The following PPP3CA variants were observed in gnomAD, a reference collection of about 807,000 sequenced individuals.
PPP3CA encodes the protein protein phosphatase 3 catalytic subunit alpha.
Under a neutral mutation model 66.5 loss-of-function variants are expected in PPP3CA, and 14 were observed. The ratio of observed to expected loss-of-function variants is 0.21; its 90% CI spans 0.14 to 0.33. PPP3CA has a LOEUF of 0.33. Among genes scored for constraint, PPP3CA ranks in the 10% least tolerant of loss-of-function variants. The probability of loss-of-function intolerance (pLI) is 1.00; values close to 1 mark genes in which losing one functional copy is unlikely to be tolerated. For missense variants in PPP3CA, 317 were observed against 639.5 expected (o/e 0.50, Z 5.44); for synonymous variants, 232 against 226.2 (o/e 1.03, Z -0.23).
chr4:101,317,705 T>G (rs538260474), intron 1 of PPP3CA, among the ~76,000 whole-genome samples: 1 of 152,242 alleles, frequency 6.6e-6, no homozygotes, highest in Non-Finnish European at 1.5e-5. Flanking sequence ...ACTGGACTTT[T>G]GTGGACTTGG....
chr4:101,229,886 G>GA (rs1725904827), intron 1 of PPP3CA, among the ~76,000 whole-genome samples: 1 of 151,198 alleles, frequency 6.6e-6, no homozygotes, highest in Non-Finnish European at 1.5e-5. Flanking sequence ...AGATAGTAAC[G>GA]AAAAAAATTG....
chr4:101,276,753 C>A (rs73835910), intron 1 of PPP3CA, among the ~76,000 whole-genome samples: 4,041 of 152,150 alleles, frequency 0.027, 184 homozygotes, highest in African/African-American at 0.091. Flanking sequence ...GAAAAAAAAA[C>A]TGAATGGTAA....
chr4:101,302,980 AGTTTT>A (rs1388917711), intron 1 of PPP3CA, among the ~76,000 whole-genome samples: 1 of 152,242 alleles, frequency 6.6e-6, no homozygotes, highest in Non-Finnish European at 1.5e-5. Context: ...CATTAAATTT[AGTTTT>A]GAGTATCATT....
chr4:101,151,344 G>A (rs949637170), intron 2 of PPP3CA, among the ~76,000 whole-genome samples: 6 of 151,884 alleles, frequency 4.0e-5, no homozygotes, highest in African/African-American at 1.2e-4. Context: ...GGTGGATCAC[G>A]AGGTCAGGAG....
At chr4:101,071,121 T>G (rs915635798) in intron 8 of PPP3CA, among the ~76,000 whole-genome samples, 2 of 152,196 alleles carry the variant, frequency 1.3e-5, no homozygotes, top group Non-Finnish European at 2.9e-5. Flanking sequence ...CACCTTGCTC[T>G]CATTCAGTGC....
chr4:101,124,795 GAAAGAGA>G (rs1295160594), intron 2 of PPP3CA, among the ~76,000 whole-genome samples: 10 of 113,532 alleles, frequency 8.8e-5, no homozygotes, highest in African/African-American at 4.4e-4. Flanking sequence ...AAGAAAGAAA[GAAAGAGA>G]AAACTGTATT....
intron 1 of PPP3CA, among the ~76,000 whole-genome samples, chr4:101,251,486 T>A (rs1018981932): frequency 6.6e-6 from 1 of 152,008 alleles, no homozygotes; most frequent in African/African-American, 2.4e-5. Context: ...AAAAATTAAG[T>A]TGGATCCAAC....
intron 2 of PPP3CA, among the ~76,000 whole-genome samples, chr4:101,128,787 A>G (rs900077360): frequency 6.6e-6 from 1 of 152,116 alleles, no homozygotes; most frequent in Non-Finnish European, 1.5e-5. Flanking sequence ...CTACACCACA[A>G]GGGCCCTGGG....
chr4:101,117,625 G>A (rs1472387134), intron 2 of PPP3CA, among the ~76,000 whole-genome samples: 1 of 151,546 alleles, frequency 6.6e-6, no homozygotes, highest in African/African-American at 2.4e-5. Context: ...ATAAATTATA[G>A]TCACGGTTGT....
chr4:101,193,368 T>C (rs148836073), intron 2 of PPP3CA, among the ~76,000 whole-genome samples: 1 of 152,060 alleles, frequency 6.6e-6, no homozygotes, highest in Non-Finnish European at 1.5e-5. Flanking sequence ...GGGAAAAAAA[T>C]GTCAAAGAGG....
chr4:101,346,634 A>T, intron 1 of PPP3CA, 105 bp downstream of exon 1: 2 of 981,566 alleles, frequency 2.0e-6, no homozygotes, highest in Non-Finnish European at 3.1e-6. Context: ...TGGAGCGGAC[A>T]GAGGAGAACC....
intron 1 of PPP3CA, among the ~76,000 whole-genome samples, chr4:101,203,209 T>C (rs1345933739): frequency 6.6e-6 from 1 of 152,204 alleles, no homozygotes; most frequent in East Asian, 1.9e-4. Context: ...AAATGAATTA[T>C]TCCTCAGCCG....
rs577078822 is a variant in PPP3CA at position 101,030,439 on chromosome 4, C to A, written c.1340-1244G>T. ...TTTAGACAAATTGAAGGGCATCAGG[C>A]AATACATTTTGGAGTCGTATCAATG... is the stretch of plus-strand genomic sequence containing the variant. On this transcript the variant is annotated intron_variant, in intron 12 of 13. Coordinates refer to ENST00000394854, the MANE Select transcript of PPP3CA (RefSeq NM_000944.5). Among the ~76,000 whole-genome samples the A allele has an allele frequency of 2.0e-5, 3 of 152,150 alleles. No homozygotes were observed. In the East Asian group the frequency reaches 5.8e-4, roughly 29 times the overall value.
chr4:101,069,602 A>G (rs1424447786), intron 8 of PPP3CA, among the ~76,000 whole-genome samples: 7 of 152,152 alleles, frequency 4.6e-5, no homozygotes, highest in Non-Finnish European at 7.4e-5. Context: ...ATGTGTGTGT[A>G]CTGTTGAGCA....
chr4:101,282,227 C>T (rs1343428427), intron 1 of PPP3CA, among the ~76,000 whole-genome samples: 1 of 152,186 alleles, frequency 6.6e-6, no homozygotes, highest in Non-Finnish European at 1.5e-5. Context: ...TTGATAACCA[C>T]TTCACACCTA....
At chr4:101,046,509 T>C (rs1727772630) in intron 10 of PPP3CA, among the ~76,000 whole-genome samples, 1 of 151,964 alleles carries the variant, frequency 6.6e-6, no homozygotes, top group African/African-American at 2.4e-5. Context: ...GAAATATATA[T>C]AAAAAGTATA....
At chr4:101,198,792 C>T (rs537531131) in intron 1 of PPP3CA, among the ~76,000 whole-genome samples, 2 of 152,302 alleles carry the variant, frequency 1.3e-5, no homozygotes, top group African/African-American at 4.8e-5. Context: ...CCACCCTCCA[C>T]TGCAGATCTT....
chr4:101,210,895 G>T, intron 1 of PPP3CA, among the ~76,000 whole-genome samples: 1 of 152,222 alleles, frequency 6.6e-6, no homozygotes, highest in South Asian at 2.1e-4. Flanking sequence ...CCAATTTCAT[G>T]TTCTAATTTT....
At chr4:101,218,930 C>T (rs1183581860) in intron 1 of PPP3CA, among the ~76,000 whole-genome samples, 1 of 152,078 alleles carries the variant, frequency 6.6e-6, no homozygotes, top group Non-Finnish European at 1.5e-5. Flanking sequence ...TGGCTATCCA[C>T]ATACTTCTTC....
Sources: gnomAD v4.1 joint callset for allele counts (sites outside exome capture counted in the v4.1 genomes callset) on GRCh38, gnomAD v4.1.1 for gene constraint, MANE v1.5 for transcripts, NCBI Gene and HGNC (gene_info 2026-07-23, HGNC 2026-07-21) for gene names.